RAD21L1: variants seen among roughly 807,000 people sequenced by gnomAD.
RAD21L1 encodes RAD21 cohesin complex component like 1.
RAD21L1 carries 47 observed loss-of-function variants against 69.0 expected under a neutral mutation model. The ratio of observed to expected loss-of-function variants is 0.68; its 90% CI spans 0.54 to 0.87. RAD21L1 has a LOEUF of 0.87. Ranked by LOEUF, RAD21L1 falls within the 40% of genes least tolerant of loss-of-function variation. The pLI is 0.00. For missense variants in RAD21L1, 583 were observed against 647.6 expected, an observed-to-expected ratio of 0.90 and a Z score of 1.08; for synonymous variants, 177 against 205.8, an observed-to-expected ratio of 0.86 and a Z score of 1.20.
chr20:1,248,964 A>G (rs2087772059), intron 13 of RAD21L1, among the ~76,000 whole-genome samples: 1 of 152,192 alleles, frequency 6.6e-6, no homozygotes. Context: ...CGTTTTTAGC[A>G]TGATACCAAC....
chr20:1,243,122 C>A lies in RAD21L1; in HGVS notation c.1109C>A (p.Ser370Tyr). Reference protein sequence around the residue: ...KMLFTKCFLSSGFKLGRKMIQ... With the variant: ...KMLFTKCFLSYGFKLGRKMIQ... ...TTGTTTACAAAATGCTTTCTGTCCT[C>A]TGGCTTTAAACTTGGAAGAAAAATG... is the stretch of plus-strand genomic sequence containing the variant. Residue 370 changes from serine (S) to tyrosine (Y), a missense_variant, in exon 10 of 14, where the codon TCT (serine) becomes TAT (tyrosine). Physicochemically the swap from Ser to Tyr is moderately radical, Grantham distance 144 (BLOSUM62 -2). Coordinates refer to ENST00000683101, the MANE Select transcript of RAD21L1 (RefSeq NM_001384355.1). 6.5e-7 allele frequency: 1 copy of A among 1,536,356 alleles called. No individual in the cohort carries two copies. Among genetic ancestry groups the A allele is most frequent in the Non-Finnish European group, 8.8e-7 (1 of 1,141,966 alleles).
At chr20:1,231,475 T>C in intron 3 of RAD21L1, 51 bp from the exon 4 acceptor site, 1 of 903,922 alleles carries the variant, frequency 1.1e-6, no homozygotes, top group East Asian at 2.7e-5. Context: ...GGGAGTTCTT[T>C]GTTTTATATA....
chr20:1,243,419 A>G (rs936020460), intron 10 of RAD21L1, among the ~76,000 whole-genome samples: 12 of 152,182 alleles, frequency 7.9e-5, no homozygotes, highest in Admixed American at 4.6e-4. Context: ...AAGATGAAAT[A>G]TATATACTAT....
At chr20:1,228,393 T>G in intron 1 of RAD21L1, 29 bp from the exon 2 acceptor site, 1 of 1,265,544 alleles carries the variant, frequency 7.9e-7, no homozygotes, top group Non-Finnish European at 1.0e-6. Flanking sequence ...TGTAATAAAA[T>G]TTTAAATTTC....
intron 13 of RAD21L1, among the ~76,000 whole-genome samples, chr20:1,251,839 A>T (rs1165924779): frequency 6.6e-6 from 1 of 152,060 alleles, no homozygotes; most frequent in African/African-American, 2.4e-5. Context: ...TAATTATTCA[A>T]TTAGGTTTCT....
chr20:1,228,382 T>A, intron 1 of RAD21L1, 40 bp from the exon 2 acceptor site: 1 of 1,142,930 alleles, frequency 8.7e-7, no homozygotes, highest in East Asian at 3.0e-5. Context: ...TAAAAAGTTT[T>A]TGTAATAAAA....
chr20:1,250,043 C>A (rs954890038), intron 13 of RAD21L1, among the ~76,000 whole-genome samples: 5 of 135,392 alleles, frequency 3.7e-5, no homozygotes, highest in African/African-American at 1.3e-4. Context: ...GTGTGTTGTT[C>A]GCCTTCTTGT....
chr20:1,240,419 C>G lies in RAD21L1; in HGVS notation c.841C>G (p.Pro281Ala). The change falls in exon 8 of 14, where the codon CCA (proline) becomes GCA (alanine). Residue 281 changes from proline to alanine, a missense_variant. Physicochemically the swap from Pro to Ala is conservative, Grantham distance 27. Transcript: ENST00000683101. ...STEEEGFTLD[P>A]IDISDIAEKR... is the part of the protein sequence containing the mutation. ...TGAAGAGGAAGGATTTACCCTTGAT[C>G]CAATTGATATTTCAGGTCAGAGGCA... 6.5e-7 allele frequency: 1 copy of G among 1,541,246 alleles called. No individual in the cohort carries two copies. The highest frequency in any genetic ancestry group is 8.7e-7 in the Non-Finnish European group (1 of 1,143,760).
chr20:1,240,114 T>C (rs1485375025), intron 7 of RAD21L1, among the ~76,000 whole-genome samples: 1 of 152,212 alleles, frequency 6.6e-6, no homozygotes. Context: ...TGATGATACT[T>C]GACTCACTCG....
chr20:1,228,768 T>C (rs1432456071), intron 2 of RAD21L1, among the ~76,000 whole-genome samples, 171 bp downstream of exon 2: 1 of 152,248 alleles, frequency 6.6e-6, no homozygotes, highest in Admixed American at 6.5e-5. Flanking sequence ...TTGGTTTCTG[T>C]TGGTAATTAA....
At chr20:1,236,768 A>G (rs1182628585) in intron 5 of RAD21L1, among the ~76,000 whole-genome samples, 2 of 152,170 alleles carry the variant, frequency 1.3e-5, no homozygotes, top group Non-Finnish European at 2.9e-5. Flanking sequence ...CTTCAAACCT[A>G]ATGTCCTCTA....
chr20:1,226,122 C>T lies in RAD21L1; in HGVS notation c.-51C>T, dbSNP rs1403796587. On this transcript the variant is annotated 5_prime_UTR_variant, in exon 1 of 14. Coordinates refer to ENST00000683101, the MANE Select transcript of RAD21L1 (RefSeq NM_001384355.1). ...CAGCCCCTGCTCTGGCACGCCACACCTCAGACGAGGCTTTGAAAGTAGGGC... is the reference window on the plus strand; with the variant it reads ...CAGCCCCTGCTCTGGCACGCCACACTTCAGACGAGGCTTTGAAAGTAGGGC... The T allele has an allele frequency of 1.3e-5, 2 of 149,892 alleles. No homozygotes were observed. Among genetic ancestry groups the T allele is most frequent in the Non-Finnish European group, 3.0e-5 (2 of 67,616 alleles). The allele number at this position is 149,892 out of a possible 1,614,324, so 9.3% of individuals were successfully genotyped here. A position where few individuals can be genotyped will look rare whatever the true frequency, so the allele number is the denominator to read the frequency against.
rs1044735873 is a variant in RAD21L1 at position 1,244,314 on chromosome 20, G to A, written c.1308+144G>A. 18 of 602,360 alleles carry A rather than the reference G, an allele frequency of 3.0e-5. No individual in the cohort carries two copies. The African/African-American group carries it at 3.0e-4, about 10-fold the overall frequency. The allele number at this position is 602,360 out of a possible 1,614,324, so 37.3% of individuals were successfully genotyped here. A position where few individuals can be genotyped will look rare whatever the true frequency, so the allele number is the denominator to read the frequency against. ...TTTGCAATTTGTTTAGTAAGTAGCA[G>A]GGTAAAACATGATTTTCTTCTGCAG... On this transcript the variant is annotated intron_variant, in intron 11 of 13. Coordinates refer to ENST00000683101, the MANE Select transcript of RAD21L1 (RefSeq NM_001384355.1).
chr20:1,229,803 C>T (rs1485637127), intron 2 of RAD21L1, 77 bp from the exon 3 acceptor site: 23 of 1,108,358 alleles, frequency 2.1e-5, no homozygotes, highest in East Asian at 2.6e-5. Context: ...CCAATTCTTA[C>T]GATGTCAGTA....
Position 1,231,526 on chromosome 20 carries a change from GA to G in RAD21L1, c.276del (p.Leu93TrpfsTer30). The part of the protein sequence containing the change: ...FLKMKMTFCP[G>X]LVDLPKENFE... ...GAGTATGGTTTTTGATCCTTTTCAGGACTGGTTGACCTTCCAAAAGAGAATT... is the reference window on the plus strand; with the variant it reads ...GAGTATGGTTTTTGATCCTTTTCAGGCTGGTTGACCTTCCAAAAGAGAATT... On this transcript the variant is annotated frameshift_variant and splice_region_variant, in exon 4 of 14. Coordinates refer to ENST00000683101, the MANE Select transcript of RAD21L1 (RefSeq NM_001384355.1). LOFTEE classifies it high-confidence loss of function. 1 of 1,486,208 alleles carries G rather than the reference GA, an allele frequency of 6.7e-7. No individual in the cohort carries two copies. The highest frequency in any genetic ancestry group is 2.0e-5 in the Admixed American group (1 of 49,522). 92.1% of individuals were successfully genotyped at this position (1,486,208 alleles called of 1,614,324 possible).
At chr20:1,253,073 A>T (rs1346337410) in intron 13 of RAD21L1, among the ~76,000 whole-genome samples, 1 of 152,204 alleles carries the variant, frequency 6.6e-6, no homozygotes. Flanking sequence ...CTTTTCTCTC[A>T]AGGCAGGGAA....
intron 5 of RAD21L1, among the ~76,000 whole-genome samples, chr20:1,236,114 G>A (rs889816249): frequency 6.6e-6 from 1 of 151,970 alleles, no homozygotes; most frequent in Non-Finnish European, 1.5e-5. Context: ...ACTAGTGCTG[G>A]GTTGTTTGTT....
rs761977281 is a variant in RAD21L1 at position 1,243,075 on chromosome 20, AC to A, written c.1084-21del. ...CTTTGCTGGTACAAAAACAAAAAAA[AC>A]AAAAATGTGTATTTTTACAGTTGTT... On this transcript the variant is annotated intron_variant, in intron 9 of 13. Coordinates refer to ENST00000683101, the MANE Select transcript of RAD21L1 (RefSeq NM_001384355.1). 4.9e-4 allele frequency: 716 copies of A among 1,450,354 alleles called. 5 individuals are homozygous for A. The South Asian group carries it at 6.1e-3, about 12-fold the overall frequency. The allele number at this position is 1,450,354 out of a possible 1,614,324, so 89.8% of individuals were successfully genotyped here.
In RAD21L1 at chr20:1,254,269, G is replaced by A; in HGVS notation, c.1480G>A (p.Glu494Lys). 1 of 1,477,930 alleles carries A rather than the reference G, an allele frequency of 6.8e-7. No individual in the cohort carries two copies. Among genetic ancestry groups the A allele is most frequent in the Non-Finnish European group, 9.0e-7 (1 of 1,105,126 alleles). 91.6% of individuals were successfully genotyped at this position (1,477,930 alleles called of 1,614,324 possible). Residue 494 changes from glutamate to lysine, a missense_variant and splice_region_variant, in exon 14 of 14, where the codon GAA (glutamate) becomes AAA (lysine). Transcript: ENST00000683101. ...TTTTCTTTTCTAATTATTTTCCCAGGAATCTAACAAGATGGGAATGCAGTC... is the reference window on the plus strand; with the variant it reads ...TTTTCTTTTCTAATTATTTTCCCAGAAATCTAACAAGATGGGAATGCAGTC... ...RILQMLNRLR[E>K]SNKMGMQSFS...
Sources: allele counts gnomAD v4.1 joint callset (sites outside exome capture counted in the v4.1 genomes callset), GRCh38; gene constraint gnomAD v4.1.1; transcripts MANE v1.5; gene names NCBI Gene and HGNC (gene_info 2026-07-23, HGNC 2026-07-21).